The following BLM variants were observed in gnomAD, a reference collection of about 807,000 sequenced individuals.
BLM encodes recQ-like DNA helicase BLM.
A neutral mutation model predicts 135.3 loss-of-function variants in BLM; 95 were observed. That is an observed-to-expected ratio of 0.70 (90% CI 0.59 to 0.83). The LOEUF is 0.83. Among genes scored for constraint, BLM ranks in the 40% least tolerant of loss-of-function variants. The probability of loss-of-function intolerance (pLI) is 0.00; values close to 1 mark genes in which losing one functional copy is unlikely to be tolerated. For missense variants in BLM, 1,518 were observed against 1,663.9 expected (o/e 0.91, Z 1.53); for synonymous variants, 520 against 589.2 (o/e 0.88, Z 1.70).
intron 1 of BLM, among the ~76,000 whole-genome samples, chr15:90,740,306 C>T (rs1475990261): frequency 6.6e-6 from 1 of 152,170 alleles, no homozygotes; most frequent in African/African-American, 2.4e-5. Flanking sequence ...TATTCTTATA[C>T]ATTTCATATA....
At position 90,811,155 on chromosome 15, in the gene BLM, C is replaced by T. The variant is rs202239611; in HGVS notation, c.3875-50C>T. The T allele has an allele frequency of 1.0e-4, 165 of 1,591,876 alleles. No individual in the cohort carries two copies. The East Asian group carries it at 3.1e-3, about 30-fold the overall frequency. ...TGTCTCTTCATATACACTAAAAACA[C>T]GTGGACCAGTGCGACATCACCTGTA... On this transcript the variant is annotated intron_variant, in intron 20 of 21. Coordinates refer to ENST00000355112, the MANE Select transcript of BLM (RefSeq NM_000057.4).
At chr15:90,756,024 T>G (rs1265113339) in intron 5 of BLM, among the ~76,000 whole-genome samples, 2 of 152,322 alleles carry the variant, frequency 1.3e-5, no homozygotes, top group East Asian at 3.9e-4. Context: ...GTGACTGATG[T>G]GCTGGGCGCT....
chr15:90,807,013 C>T (rs758555893), intron 19 of BLM, among the ~76,000 whole-genome samples: 7 of 152,116 alleles, frequency 4.6e-5, no homozygotes, highest in Non-Finnish European at 8.8e-5. Flanking sequence ...ATCAAATTAC[C>T]GTAGGTACTT....
intron 1 of BLM, 98 bp from the exon 2 acceptor site, chr15:90,747,291 C>CAATGCCTG: frequency 2.0e-6 from 1 of 503,100 alleles, no homozygotes. Context: ...ACAGTTGGAA[C>CAATGCCTG]AATGCCTGTT....
chr15:90,792,066 T>C (rs1264627929), intron 15 of BLM, among the ~76,000 whole-genome samples: 1 of 151,786 alleles, frequency 6.6e-6, no homozygotes, highest in Admixed American at 6.6e-5. Context: ...TAAATATATG[T>C]ATTTCTTCTG....
chr15:90,789,372 C>T (rs537541923), intron 14 of BLM, among the ~76,000 whole-genome samples: 2 of 152,324 alleles, frequency 1.3e-5, no homozygotes, highest in East Asian at 1.9e-4. Flanking sequence ...CATCTGGAGG[C>T]TGCAGGCGGT....
chr15:90,803,799 G>T (rs1897223598), intron 18 of BLM, 79 bp downstream of exon 18: 1 of 1,409,644 alleles, frequency 7.1e-7, no homozygotes, highest in South Asian at 1.2e-5. Flanking sequence ...TAGTGTCTTT[G>T]TCCAAGCTTA....
At chr15:90,725,679 T>C (rs1057029057) in intron 1 of BLM, among the ~76,000 whole-genome samples, 1 of 151,262 alleles carries the variant, frequency 6.6e-6, no homozygotes, top group African/African-American at 2.4e-5. Context: ...TTTTTTTTTT[T>C]TTTGGATTGT....
At chr15:90,786,369 T>C (rs1002806674) in intron 14 of BLM, among the ~76,000 whole-genome samples, 2 of 152,120 alleles carry the variant, frequency 1.3e-5, no homozygotes, top group Non-Finnish European at 2.9e-5. Context: ...TGTTTTCAGT[T>C]CTCTTGGGTA....
chr15:90,738,886 G>A (rs1895290697), intron 1 of BLM, among the ~76,000 whole-genome samples: 1 of 152,194 alleles, frequency 6.6e-6, no homozygotes, highest in Admixed American at 6.5e-5. Flanking sequence ...TTATAGCAAT[G>A]TGAAATGGTG....
At chr15:90,796,766 A>G (rs796841933) in intron 16 of BLM, among the ~76,000 whole-genome samples, 1 of 152,168 alleles carries the variant, frequency 6.6e-6, no homozygotes, top group East Asian at 1.9e-4. Flanking sequence ...TGGATCCATT[A>G]TGTTTTGCCA....
At chr15:90,772,969 T>C (rs1258240990) in intron 12 of BLM, among the ~76,000 whole-genome samples, 1 of 151,298 alleles carries the variant, frequency 6.6e-6, no homozygotes, top group East Asian at 2.0e-4. Context: ...TGGTGGTGCA[T>C]ACCTGTAATC....
chr15:90,754,823 C>A lies in BLM; in HGVS notation c.972C>A (p.Asp324Glu), dbSNP rs769094708. ...SSSKCLSTLK[D>E]LDTSDRKEDV... ...TTTTTATTTGCAGTACGTTAAAGGACCTTGACACCTCTGACAGAAAAGAGG... is the reference window on the plus strand; with the variant it reads ...TTTTTATTTGCAGTACGTTAAAGGAACTTGACACCTCTGACAGAAAAGAGG... The change falls in exon 5 of 22, where the codon GAC becomes GAA. Residue 324 changes from aspartate to glutamate, a missense_variant. Physicochemically the swap from Asp to Glu is conservative, Grantham distance 45. This residue lies in a region of BLM where 724 missense variants were observed against 756.9 expected (regional missense o/e 0.96). Transcript: ENST00000355112. The A allele has an allele frequency of 6.2e-7, 1 of 1,613,692 alleles. No homozygotes were observed. The highest frequency in any genetic ancestry group is 1.1e-5 in the South Asian group (1 of 91,040).
At chr15:90,789,464 G>C (rs2151183390) in intron 14 of BLM, among the ~76,000 whole-genome samples, 1 of 152,256 alleles carries the variant, frequency 6.6e-6, no homozygotes, top group East Asian at 1.9e-4. Flanking sequence ...TTCCGGACCT[G>C]TCGGCTGACA....
intron 19 of BLM, among the ~76,000 whole-genome samples, chr15:90,807,018 G>C (rs1013454119): frequency 6.6e-6 from 1 of 152,168 alleles, no homozygotes; most frequent in Non-Finnish European, 1.5e-5. Flanking sequence ...ATTACCGTAG[G>C]TACTTATAAA....
At chr15:90,725,858 T>C (rs1238272888) in intron 1 of BLM, among the ~76,000 whole-genome samples, 1 of 152,052 alleles carries the variant, frequency 6.6e-6, no homozygotes, top group Non-Finnish European at 1.5e-5. Flanking sequence ...CTCTGTTTTA[T>C]GTACATATAA....
intron 1 of BLM, among the ~76,000 whole-genome samples, chr15:90,726,606 C>G (rs1894924578): frequency 6.6e-6 from 1 of 152,190 alleles, no homozygotes; most frequent in Non-Finnish European, 1.5e-5. Context: ...CTACCCTTCC[C>G]AGCCTCCAGT....
At chr15:90,746,187 G>A (rs1253939951) in intron 1 of BLM, among the ~76,000 whole-genome samples, 1 of 152,178 alleles carries the variant, frequency 6.6e-6, no homozygotes. Context: ...GTGGAGTAAG[G>A]ACCTCAGGGT....
intron 8 of BLM, among the ~76,000 whole-genome samples, chr15:90,764,985 C>A (rs910815175): frequency 6.6e-6 from 1 of 152,104 alleles, no homozygotes; most frequent in African/African-American, 2.4e-5. Context: ...ATGACAATTG[C>A]TTGAACCTGG....
Sources: allele counts gnomAD v4.1 joint callset (sites outside exome capture counted in the v4.1 genomes callset), GRCh38; gene constraint gnomAD v4.1.1; regional missense constraint gnomAD v4.1.1; transcripts MANE v1.5; gene names NCBI Gene and HGNC (gene_info 2026-07-23, HGNC 2026-07-21).